DLGAP2: variants seen among roughly 807,000 people sequenced by gnomAD.
The protein encoded by DLGAP2 is DLG associated protein 2.
DLGAP2 carries 26 observed loss-of-function variants against 100.3 expected under a neutral mutation model. The observed-to-expected ratio is 0.26, with a 90% CI of 0.19 to 0.36. The LOEUF is 0.36. Among genes scored for constraint, DLGAP2 ranks in the 10% least tolerant of loss-of-function variants. DLGAP2 has a pLI of 1.00. For synonymous variants in DLGAP2, 886 were observed against 630.1 expected, an observed-to-expected ratio of 1.41 and a Z score of -6.08; for missense variants, 1,858 against 1,453.2, an observed-to-expected ratio of 1.28 and a Z score of -4.53.
chr8:840,397 C>T (rs1286193359), intron 1 of DLGAP2, among the ~76,000 whole-genome samples: 12 of 122,252 alleles, frequency 9.8e-5, no homozygotes, highest in Non-Finnish European at 2.0e-4. Context: ...CTGGATTCTG[C>T]GAGCGCGTCC....
intron 3 of DLGAP2, among the ~76,000 whole-genome samples, chr8:1,359,517 C>T (rs1318974547): frequency 6.6e-6 from 1 of 152,274 alleles, no homozygotes; most frequent in Non-Finnish European, 1.5e-5. Context: ...AAGGGGCAAG[C>T]TGGTTCGTGG....
At chr8:1,453,111 C>T (rs929507247) in intron 3 of DLGAP2, among the ~76,000 whole-genome samples, 5 of 151,992 alleles carry the variant, frequency 3.3e-5, no homozygotes, top group Non-Finnish European at 7.4e-5. Flanking sequence ...GGAGACTGCT[C>T]GGGAGCTGAG....
intron 1 of DLGAP2, among the ~76,000 whole-genome samples, chr8:776,700 C>T (rs902583856): frequency 1.3e-4 from 20 of 152,200 alleles, no homozygotes; most frequent in Non-Finnish European, 7.3e-5. Flanking sequence ...TTTGATTGCA[C>T]TGTGGTCTGA....
intron 3 of DLGAP2, among the ~76,000 whole-genome samples, chr8:1,457,952 G>A (rs955580106): frequency 3.2e-5 from 4 of 126,924 alleles, no homozygotes; most frequent in African/African-American, 1.2e-4. Flanking sequence ...CTAAACTCCT[G>A]TCAATTGTCT....
At chr8:1,190,267 C>T (rs1224129740) in intron 2 of DLGAP2, among the ~76,000 whole-genome samples, 2 of 152,206 alleles carry the variant, frequency 1.3e-5, no homozygotes, top group Admixed American at 6.5e-5. Context: ...TCCCCACTTG[C>T]TGTGGTTTAT....
chr8:1,449,883 G>GCTGTGA (rs1798096697), intron 3 of DLGAP2, among the ~76,000 whole-genome samples: 1 of 91,990 alleles, frequency 1.1e-5, no homozygotes, highest in Non-Finnish European at 2.6e-5. Context: ...GGCCTCGGTG[G>GCTGTGA]CTGAGGCGGA....
intron 3 of DLGAP2, among the ~76,000 whole-genome samples, chr8:1,449,087 C>G (rs141190286): frequency 6.6e-6 from 1 of 152,264 alleles, no homozygotes; most frequent in African/African-American, 2.4e-5. Flanking sequence ...GGGAATGCCT[C>G]GTGCCTGTCA....
chr8:1,662,834 TG>T (rs1798440616), intron 8 of DLGAP2, among the ~76,000 whole-genome samples: 1 of 149,942 alleles, frequency 6.7e-6, no homozygotes, highest in Admixed American at 6.6e-5. Flanking sequence ...TGTGTGAGTG[TG>T]GGGAATGTGT....
At chr8:1,059,694 A>T (rs1215041584) in intron 2 of DLGAP2, among the ~76,000 whole-genome samples, 1 of 152,036 alleles carries the variant, frequency 6.6e-6, no homozygotes, top group Non-Finnish European at 1.5e-5. Flanking sequence ...GCCTCCTTGG[A>T]CCAAGGCGCC....
At chr8:1,020,221 A>C (rs1212726821) in intron 2 of DLGAP2, among the ~76,000 whole-genome samples, 2 of 152,244 alleles carry the variant, frequency 1.3e-5, no homozygotes, top group African/African-American at 4.8e-5. Flanking sequence ...CTGCTTTAAA[A>C]AGTTTTCAGC....
intron 3 of DLGAP2, among the ~76,000 whole-genome samples, chr8:1,488,370 G>A (rs184882804): frequency 6.6e-6 from 1 of 152,304 alleles, no homozygotes; most frequent in Non-Finnish European, 1.5e-5. Context: ...AGCTTGGCAG[G>A]TCTCTTTTCC....
At chr8:1,453,205 T>G (rs1798211788) in intron 3 of DLGAP2, among the ~76,000 whole-genome samples, 1 of 151,994 alleles carries the variant, frequency 6.6e-6, no homozygotes, top group Admixed American at 6.6e-5. Flanking sequence ...ATGGAAGGTC[T>G]TAGGCACACA....
chr8:1,052,712 C>T (rs1041984412), intron 2 of DLGAP2, among the ~76,000 whole-genome samples: 1 of 152,096 alleles, frequency 6.6e-6, no homozygotes, highest in African/African-American at 2.4e-5. Context: ...ATCAGAATAA[C>T]TCATCTGGGT....
At chr8:857,782 G>A (rs1281396911) in intron 1 of DLGAP2, among the ~76,000 whole-genome samples, 1 of 152,142 alleles carries the variant, frequency 6.6e-6, no homozygotes, top group Non-Finnish European at 1.5e-5. Flanking sequence ...CCTTACAACA[G>A]TGCACATTTG....
At chr8:1,688,786 T>TG (rs1799177884) in intron 12 of DLGAP2, among the ~76,000 whole-genome samples, 1 of 152,200 alleles carries the variant, frequency 6.6e-6, no homozygotes, top group Admixed American at 6.5e-5. Flanking sequence ...TGCCAGACCT[T>TG]CATGTTCTAA....
chr8:745,894 C>A (rs1820605375), intron 1 of DLGAP2, among the ~76,000 whole-genome samples: 1 of 152,206 alleles, frequency 6.6e-6, no homozygotes, highest in Non-Finnish European at 1.5e-5. Context: ...GATACCGACT[C>A]CAGAAAGAGG....
At chr8:1,550,432 C>A (rs1298865275) in intron 5 of DLGAP2, among the ~76,000 whole-genome samples, 1 of 152,154 alleles carries the variant, frequency 6.6e-6, no homozygotes. Context: ...TGGGCCATTT[C>A]TTTAAGGCCT....
At chr8:835,707 A>G (rs998698520) in intron 1 of DLGAP2, among the ~76,000 whole-genome samples, 6 of 152,304 alleles carry the variant, frequency 3.9e-5, no homozygotes, top group African/African-American at 1.4e-4. Flanking sequence ...TCTCTGTGCT[A>G]GGCTGCGTCA....
intron 4 of DLGAP2, among the ~76,000 whole-genome samples, chr8:1,530,025 G>C (rs149918176): frequency 3.7e-4 from 56 of 152,294 alleles, no homozygotes; most frequent in African/African-American, 1.3e-3. Context: ...ACCACAGGAC[G>C]GGAGCGAAAT....
Sources: allele counts gnomAD v4.1 joint callset (sites outside exome capture counted in the v4.1 genomes callset), GRCh38; gene constraint gnomAD v4.1.1; transcripts MANE v1.5; gene names NCBI Gene and HGNC (gene_info 2026-07-23, HGNC 2026-07-21).